The following OPA3 variants were observed in gnomAD, a reference collection of about 807,000 sequenced individuals.
OPA3 encodes the protein optic atrophy 3 protein.
Under a neutral mutation model 4.0 loss-of-function variants are expected in OPA3, and 6 were observed. That is an observed-to-expected ratio of 1.51 (90% confidence interval 0.83 to 2.99). The LOEUF is 2.99. Ranked by LOEUF, OPA3 falls within the 30% of genes most tolerant of loss-of-function variation. The pLI, the probability that OPA3 is intolerant of heterozygous loss-of-function variation, is 0.00. For missense variants in OPA3, 235 were observed against 256.2 expected (o/e 0.92, Z 0.56); for synonymous variants, 105 against 117.1 (o/e 0.90, Z 0.67).
In OPA3 at chr19:45,551,753, T is replaced by C. The variant is rs141446737; in HGVS notation, c.*1761A>G. 87 of 985,528 alleles carry C rather than the reference T, an allele frequency of 8.8e-5. 1 individual carries two copies. The highest frequency in any genetic ancestry group is 4.7e-5 in the South Asian group (1 of 21,284). 61.0% of individuals were successfully genotyped at this position (985,528 alleles called of 1,614,324 possible). On this transcript the variant is annotated 3_prime_UTR_variant, in exon 2 of 2. Coordinates refer to ENST00000263275, the MANE Select transcript of OPA3 (RefSeq NM_025136.4). ...AGGATGGGGGTGGGACCGGGGGCTA[T>C]GGAGGCAGGAGGGTACTGCTACATG...
chr19:45,576,160 T>A (rs1276416112), intron 1 of OPA3, among the ~76,000 whole-genome samples: 1 of 151,552 alleles, frequency 6.6e-6, no homozygotes, highest in Admixed American at 6.6e-5. Flanking sequence ...GATGCAGAGG[T>A]TGCAGGGAGC....
chr19:45,550,986 G>C lies in OPA3; in HGVS notation c.*2528C>G, dbSNP rs1969324196. ...CCAGGGTACTTTTTTTCTGAGAAAG[G>C]GTCTCACTCTGTCATCCAGGCTGGA... On this transcript the variant is annotated 3_prime_UTR_variant, in exon 2 of 2. Coordinates refer to ENST00000263275, the MANE Select transcript of OPA3 (RefSeq NM_025136.4). 1.0e-6 allele frequency: 1 copy of C among 983,864 alleles called. No individual in the cohort carries two copies. Among genetic ancestry groups the C allele is most frequent in the Non-Finnish European group, 1.2e-6 (1 of 828,564 alleles). 60.9% of individuals were successfully genotyped at this position (983,864 alleles called of 1,614,324 possible). A position where few individuals can be genotyped will look rare whatever the true frequency, so the allele number is the denominator to read the frequency against.
intron 1 of OPA3, among the ~76,000 whole-genome samples, chr19:45,531,563 T>G (rs1969061816): frequency 1.3e-5 from 2 of 152,206 alleles, no homozygotes; most frequent in South Asian, 4.1e-4. Context: ...TTTGTTGAAT[T>G]TCATTCTAGT....
rs2122439146 is a variant in OPA3, at chr19:45,553,657, G to A, written c.397C>T (p.Leu133=). 1 of 1,604,852 alleles carries A rather than the reference G, an allele frequency of 6.2e-7. No homozygotes were observed. Among genetic ancestry groups the A allele is most frequent in the Non-Finnish European group, 8.5e-7 (1 of 1,178,286 alleles). ...RDEVGHLALA[L]EALQAQVQAA... ...TGCACCTGCGCCTGCAGCGCTTCCA[G>A]CGCCAGCGCCAGGTGGCCCACCTCG... Residue 133 remains leucine (L), a synonymous_variant, in exon 2 of 2, where the codon CTG becomes TTG. Coordinates refer to ENST00000263275, the MANE Select transcript of OPA3 (RefSeq NM_025136.4).
At chr19:45,558,195 G>T (rs1455645539) in intron 1 of OPA3, among the ~76,000 whole-genome samples, 1 of 152,054 alleles carries the variant, frequency 6.6e-6, no homozygotes, top group Non-Finnish European at 1.5e-5. Flanking sequence ...AGCGGGGCGT[G>T]GTGGGAGGCC....
At chr19:45,554,188 T>C (rs1212218925) in intron 1 of OPA3, among the ~76,000 whole-genome samples, 1 of 152,142 alleles carries the variant, frequency 6.6e-6, no homozygotes, top group African/African-American at 2.4e-5. Flanking sequence ...TTCCCTGTGT[T>C]CCTCCCTTAA....
intron 1 of OPA3, among the ~76,000 whole-genome samples, chr19:45,575,528 T>C (rs1299324436): frequency 6.6e-6 from 1 of 152,176 alleles, no homozygotes; most frequent in Admixed American, 6.5e-5. Context: ...CTCAGCAACC[T>C]GAATGAATGA....
At chr19:45,537,396 CAAAA>C (rs1181396046) in intron 1 of OPA3, among the ~76,000 whole-genome samples, 2 of 28,916 alleles carry the variant, frequency 6.9e-5, no homozygotes, top group East Asian at 1.6e-3. Flanking sequence ...GACTCTGTCT[CAAAA>C]AAAAAAAAAA....
At chr19:45,542,269 G>GAGA, downstream of OPA3, among the ~76,000 whole-genome samples, 1 of 152,146 alleles carries the variant, frequency 6.6e-6, no homozygotes, top group Non-Finnish European at 1.5e-5. Context: ...TGACTGTGTG[G>GAGA]AGGAGGGCTG....
At chr19:45,555,232 T>C (rs779385245) in intron 1 of OPA3, among the ~76,000 whole-genome samples, 2 of 152,228 alleles carry the variant, frequency 1.3e-5, no homozygotes, top group South Asian at 2.1e-4. Context: ...TGCCGACATA[T>C]AAATCACTAG....
exon 2 of OPA3, chr19:45,528,153 CAG>C (rs1238253617): frequency 6.6e-6 from 1 of 152,434 alleles, no homozygotes; most frequent in Non-Finnish European, 1.5e-5. Flanking sequence ...GATAAAAGGA[CAG>C]TAGCAGTAGG....
At chr19:45,556,525 T>C (rs1969423709) in intron 1 of OPA3, among the ~76,000 whole-genome samples, 1 of 152,014 alleles carries the variant, frequency 6.6e-6, no homozygotes, top group African/African-American at 2.4e-5. Context: ...TGGCTGTTTT[T>C]AAATTGTTTT....
downstream of OPA3, among the ~76,000 whole-genome samples, chr19:45,545,870 G>A (rs919378091): frequency 6.6e-6 from 1 of 151,570 alleles, no homozygotes; most frequent in Admixed American, 6.6e-5. Context: ...GTGCCACCAC[G>A]CCCAGCTAAT....
Position 45,548,470 on chromosome 19 carries a change from G to A in OPA3, c.*5044C>T, listed in dbSNP as rs1969283213. ...GAGTCACTCCAGAGGGAGGATTCCG[G>A]ATTCAGCCCAGCCCCTGCTTCCTAA... On this transcript the variant is annotated 3_prime_UTR_variant, in exon 2 of 2. Coordinates refer to ENST00000263275, the MANE Select transcript of OPA3 (RefSeq NM_025136.4). 5 of 985,320 alleles carry A rather than the reference G, an allele frequency of 5.1e-6. No individual in the cohort carries two copies. In the South Asian group the frequency reaches 1.9e-4, roughly 37 times the overall value. 61.0% of individuals were successfully genotyped at this position (985,320 alleles called of 1,614,324 possible). A position where few individuals can be genotyped will look rare whatever the true frequency, so the allele number is the denominator to read the frequency against.
chr19:45,550,431 C>T lies in OPA3; in HGVS notation c.*3083G>A, dbSNP rs1969315570. On this transcript the variant is annotated 3_prime_UTR_variant, in exon 2 of 2. Transcript: ENST00000263275. ...GAGAGGGGATAGAGAGGGTCTCCCA[C>T]TATCAACGCCACCTCTGGGATGGTC... 2 of 985,858 alleles carry T rather than the reference C, an allele frequency of 2.0e-6. No homozygotes were observed. The highest frequency in any genetic ancestry group is 2.4e-6 in the Non-Finnish European group (2 of 830,308). 61.1% of individuals were successfully genotyped at this position (985,858 alleles called of 1,614,324 possible). A position where few individuals can be genotyped will look rare whatever the true frequency, so the allele number is the denominator to read the frequency against.
At position 45,548,254 on chromosome 19, in the gene OPA3, G is replaced by C. The variant is rs1969280141; in HGVS notation, c.*5260C>G. The C allele has an allele frequency of 2.0e-6, 2 of 985,588 alleles. No homozygotes were observed. The highest frequency in any genetic ancestry group is 2.4e-6 in the Non-Finnish European group (2 of 829,964). 61.1% of individuals were successfully genotyped at this position (985,588 alleles called of 1,614,324 possible). On this transcript the variant is annotated 3_prime_UTR_variant, in exon 2 of 2. Transcript: ENST00000263275. ...AGTAGCTCCGTGAGCCAATAGATCA[G>C]GTTGGGGCTTATGTAAAGCCCATTT...
chr19:45,539,398 C>G (rs1412165792), intron 1 of OPA3, among the ~76,000 whole-genome samples: 1 of 152,108 alleles, frequency 6.6e-6, no homozygotes, highest in Non-Finnish European at 1.5e-5. Flanking sequence ...TCAAGACCAA[C>G]CTGGGCAACA....
At chr19:45,536,592 TAGTAATACTGA>T (rs1424560232) in intron 1 of OPA3, among the ~76,000 whole-genome samples, 2 of 148,116 alleles carry the variant, frequency 1.4e-5, no homozygotes, top group Non-Finnish European at 3.0e-5. Flanking sequence ...GGGCCAAGAA[TAGTAATACTGA>T]AGAGAAAAAC....
chr19:45,584,482 T>G, intron 1 of OPA3, 141 bp downstream of exon 1: 1 of 1,522,026 alleles, frequency 6.6e-7, no homozygotes. Context: ...CGCCCCTCTA[T>G]CAGAAACCCC....
Sources: allele counts gnomAD v4.1 joint callset (sites outside exome capture counted in the v4.1 genomes callset), GRCh38; gene constraint gnomAD v4.1.1; transcripts MANE v1.5; gene names NCBI Gene and HGNC (gene_info 2026-07-23, HGNC 2026-07-21).